The following LINGO1 variants were observed in gnomAD, a reference collection of about 807,000 sequenced individuals.
LINGO1 encodes the protein leucine rich repeat and Ig domain containing 1, also known as leucine-rich repeat and immunoglobulin-like domain-containing nogo receptor-interacting protein 1.
Under a neutral mutation model 37.3 loss-of-function variants are expected in LINGO1, and 11 were observed. The observed-to-expected ratio is 0.29, with a 90% CI of 0.19 to 0.49. The LOEUF (loss-of-function observed/expected upper bound fraction) is 0.49, where lower values mean the gene tolerates loss of function less well. Among genes scored for constraint, LINGO1 ranks in the 20% least tolerant of loss-of-function variants. The pLI is 0.99. For synonymous variants in LINGO1, 387 were observed against 403.0 expected (o/e 0.96, Z 0.48); for missense variants, 585 against 878.2 (o/e 0.67, Z 4.22).
At chr15:77,713,505 A>G (rs942957046) in intron 2 of LINGO1, among the ~76,000 whole-genome samples, 3 of 150,594 alleles carry the variant, frequency 2.0e-5, no homozygotes, top group Non-Finnish European at 4.4e-5. Flanking sequence ...GAGGCGTGGG[A>G]GCAGGGTTGG....
intron 1 of LINGO1, among the ~76,000 whole-genome samples, chr15:77,743,178 G>A (rs934900260): frequency 1.3e-5 from 2 of 152,098 alleles, no homozygotes; most frequent in African/African-American, 4.8e-5. Flanking sequence ...CCCCTGCCAG[G>A]AGGGCCTCAC....
intron 1 of LINGO1, among the ~76,000 whole-genome samples, chr15:77,616,916 G>A (rs191550938): frequency 3.9e-5 from 6 of 152,260 alleles, no homozygotes; most frequent in East Asian, 1.9e-4. Context: ...CCCTCCAGCC[G>A]TCACCTGTCT....
chr15:77,816,802 A>T (rs1016584266), intron 1 of LINGO1, among the ~76,000 whole-genome samples: 4 of 152,096 alleles, frequency 2.6e-5, no homozygotes, highest in Admixed American at 2.6e-4. Context: ...GTGGGAGTGG[A>T]GGTACCAGAA....
intron 1 of LINGO1, among the ~76,000 whole-genome samples, chr15:77,786,193 C>G (rs1363500209): frequency 6.6e-6 from 1 of 152,222 alleles, no homozygotes; most frequent in African/African-American, 2.4e-5. Context: ...CTGGGCCCAG[C>G]AGGTTCACCT....
At chr15:77,748,149 G>A (rs762277580) in intron 1 of LINGO1, among the ~76,000 whole-genome samples, 5 of 152,218 alleles carry the variant, frequency 3.3e-5, no homozygotes, top group Non-Finnish European at 7.3e-5. Context: ...CAGCCCTGCT[G>A]GGCCCCAGCG....
chr15:77,813,907 G>C (rs1304572062), intron 1 of LINGO1, among the ~76,000 whole-genome samples: 1 of 152,214 alleles, frequency 6.6e-6, no homozygotes, highest in East Asian at 1.9e-4. Flanking sequence ...GCCCCAGAAG[G>C]CTCAGGCCTG....
At chr15:77,635,787 G>C (rs1337208482), upstream of LINGO1, among the ~76,000 whole-genome samples, 1 of 152,184 alleles carries the variant, frequency 6.6e-6, no homozygotes, top group Admixed American at 6.5e-5. Context: ...CTCAGACTAG[G>C]TGCTCCCAAG....
At chr15:77,781,774 G>C (rs1377517589) in intron 1 of LINGO1, among the ~76,000 whole-genome samples, 1 of 152,232 alleles carries the variant, frequency 6.6e-6, no homozygotes, top group East Asian at 1.9e-4. Flanking sequence ...CAGGCCCAGT[G>C]GGGAGCTGCC....
At chr15:77,650,512 A>G (rs1317654564) in intron 3 of LINGO1, among the ~76,000 whole-genome samples, 3 of 152,144 alleles carry the variant, frequency 2.0e-5, no homozygotes, top group African/African-American at 7.2e-5. Context: ...GTCTGGGCTG[A>G]GCAGTATGAG....
intron 1 of LINGO1, among the ~76,000 whole-genome samples, chr15:77,776,305 T>G (rs2076637664): frequency 6.6e-6 from 1 of 152,156 alleles, no homozygotes; most frequent in African/African-American, 2.4e-5. Flanking sequence ...TCACTCTGAC[T>G]GCCCTGGCCA....
chr15:77,657,381 T>C (rs999023783), intron 3 of LINGO1, among the ~76,000 whole-genome samples: 8 of 152,016 alleles, frequency 5.3e-5, no homozygotes, highest in Non-Finnish European at 7.4e-5. Flanking sequence ...GCAGTGAAGG[T>C]TGGGACCCAC....
intron 2 of LINGO1, among the ~76,000 whole-genome samples, chr15:77,682,500 C>T (rs746803458): frequency 6.6e-5 from 10 of 152,054 alleles, no homozygotes; most frequent in Non-Finnish European, 1.3e-4. Context: ...GCATGCATTT[C>T]GCTCCCTAGT....
intron 1 of LINGO1, among the ~76,000 whole-genome samples, chr15:77,743,431 C>G (rs2076284155): frequency 2.0e-5 from 3 of 152,174 alleles, no homozygotes; most frequent in African/African-American, 7.2e-5. Context: ...GGGACAGCAT[C>G]AGAGCCCAGG....
At chr15:77,770,843 G>C (rs1305080946) in intron 1 of LINGO1, among the ~76,000 whole-genome samples, 1 of 152,198 alleles carries the variant, frequency 6.6e-6, no homozygotes, top group East Asian at 1.9e-4. Context: ...ATCCAGGGCC[G>C]GAGAGAGCAC....
At chr15:77,706,113 A>C (rs2075849528) in intron 2 of LINGO1, among the ~76,000 whole-genome samples, 1 of 152,124 alleles carries the variant, frequency 6.6e-6, no homozygotes, top group African/African-American at 2.4e-5. Context: ...TGATATCCTC[A>C]CCATCTCCCC....
At chr15:77,722,193 C>G (rs375011089) in intron 2 of LINGO1, among the ~76,000 whole-genome samples, 1 of 84,132 alleles carries the variant, frequency 1.2e-5, no homozygotes, top group Non-Finnish European at 2.7e-5. Context: ...TTTAAATGGC[C>G]CGGTAAAGCT....
intron 1 of LINGO1, among the ~76,000 whole-genome samples, chr15:77,777,485 A>G (rs1250503871): frequency 2.7e-5 from 3 of 111,728 alleles, no homozygotes; most frequent in African/African-American, 9.8e-5. Context: ...ACACACACAC[A>G]CACACACACA....
At chr15:77,617,276 TTC>T (rs1041405485) in intron 1 of LINGO1, among the ~76,000 whole-genome samples, 35 of 152,102 alleles carry the variant, frequency 2.3e-4, no homozygotes, top group African/African-American at 8.0e-4. Flanking sequence ...TCCTTCCCTC[TTC>T]TCTCTCCATC....
At position 77,818,124 on chromosome 15, in the gene LINGO1, G is replaced by A. The variant is rs141201155; in HGVS notation, c.-458+2134C>T. 9.5e-3 allele frequency among the ~76,000 whole-genome samples: 1,446 copies of A among 152,290 alleles called. 9 individuals carry two copies. The highest frequency in any genetic ancestry group is 0.021 in the South Asian group (99 of 4,826). On this transcript the variant is annotated intron_variant, in intron 1 of 5. Transcript: ENST00000562933. The stretch of plus-strand genomic sequence containing the variant: ...GGATCCCAGCAGTTACAACCCCAGG[G>A]AAGTCCAAGCTGGAAGGACTCAGGA...
Sources: gnomAD v4.1 joint callset for allele counts (sites outside exome capture counted in the v4.1 genomes callset) on GRCh38, gnomAD v4.1.1 for gene constraint, MANE v1.5 for transcripts, NCBI Gene and HGNC (gene_info 2026-07-23, HGNC 2026-07-21) for gene names.